SLC2A12: variants seen among roughly 807,000 people sequenced by gnomAD.
SLC2A12 encodes solute carrier family 2 member 12.
SLC2A12 carries 23 observed loss-of-function variants against 41.8 expected under a neutral mutation model. The observed-to-expected ratio is 0.55, with a 90% CI of 0.40 to 0.78. The LOEUF is 0.78. SLC2A12 is among the 30% of genes least tolerant of loss of function. The pLI is 0.00. For synonymous variants in SLC2A12, 295 were observed against 285.9 expected (o/e 1.03, Z -0.32); for missense variants, 654 against 745.6 (o/e 0.88, Z 1.43).
intron 2 of SLC2A12, among the ~76,000 whole-genome samples, chr6:134,017,370 G>C (rs1776975558): frequency 6.6e-6 from 1 of 152,136 alleles, no homozygotes; most frequent in Admixed American, 6.5e-5. Flanking sequence ...TCCCAGACTA[G>C]GGAGCTCCCC....
chr6:133,988,429 G>C lies in SLC2A12; in HGVS notation c.*2726C>G, dbSNP rs1177025738. On this transcript the variant is annotated 3_prime_UTR_variant, in exon 5 of 5. Coordinates refer to ENST00000275230, the MANE Select transcript of SLC2A12 (RefSeq NM_145176.3). Reference sequence around the variant, plus strand: ...TTAGCTTCTCAGGAGAAACTTAATGGGGACAATATTCCAACACAATGTTCC... The same window carrying C: ...TTAGCTTCTCAGGAGAAACTTAATGCGGACAATATTCCAACACAATGTTCC... 1 of 152,064 alleles carries C rather than the reference G, an allele frequency of 6.6e-6. No homozygotes were observed. Among genetic ancestry groups the C allele is most frequent in the Non-Finnish European group, 1.5e-5 (1 of 67,998 alleles). 9.4% of individuals were successfully genotyped at this position (152,064 alleles called of 1,614,324 possible). A position where few individuals can be genotyped will look rare whatever the true frequency, so the allele number is the denominator to read the frequency against.
chr6:134,022,548 GA>G (rs1016453180), intron 2 of SLC2A12, among the ~76,000 whole-genome samples: 2 of 39,166 alleles, frequency 5.1e-5, no homozygotes, highest in East Asian at 9.1e-4. Flanking sequence ...GAAAAGAAAA[GA>G]AAAGAAAAGA....
intron 1 of SLC2A12, among the ~76,000 whole-genome samples, chr6:134,049,198 T>C (rs1278114214): frequency 1.3e-5 from 2 of 152,224 alleles, no homozygotes; most frequent in African/African-American, 4.8e-5. Context: ...TCAGAGGGGA[T>C]AAAGGACAGT....
rs1562201761 is a variant in SLC2A12, at chr6:134,032,468, T to TA, written c.104-2748_104-2747insT. Among the ~76,000 whole-genome samples, 9 of 34,298 alleles carry TA rather than the reference T, an allele frequency of 2.6e-4. 1 individual carries two copies. Among genetic ancestry groups the TA allele is most frequent in the South Asian group, 1.2e-3 (1 of 826 alleles). The allele number at this position is 34,298 out of a possible 152,430, so 22.5% of individuals were successfully genotyped here. On this transcript the variant is annotated intron_variant, in intron 1 of 4. Transcript: ENST00000275230. Reference sequence around the variant, plus strand: ...TATATAAATATATATATATATATTTTTATATATATATATATATATTTGTTC... The same window carrying TA: ...TATATAAATATATATATATATATTTTATATATATATATATATATATTTGTTC...
At chr6:134,048,544 AG>A (rs1773613245) in intron 1 of SLC2A12, among the ~76,000 whole-genome samples, 1 of 152,162 alleles carries the variant, frequency 6.6e-6, no homozygotes, top group South Asian at 2.1e-4. Context: ...ACTCCAGCCT[AG>A]GTGACAGAGC....
rs1562671904 is a variant in SLC2A12, at chr6:133,989,924, G to A, written c.*1231C>T. 6.6e-6 allele frequency: 1 copy of A among 152,144 alleles called. No homozygotes were observed. Among genetic ancestry groups the A allele is most frequent in the African/African-American group, 2.4e-5 (1 of 41,436 alleles). The allele number at this position is 152,144 out of a possible 1,614,324, so 9.4% of individuals were successfully genotyped here. ...TTGTTCGTGCTTTTAAGTTTTTTGTGTGTCTTCCATCACTTAAATATTAGT... is the reference window on the plus strand; with the variant it reads ...TTGTTCGTGCTTTTAAGTTTTTTGTATGTCTTCCATCACTTAAATATTAGT... On this transcript the variant is annotated 3_prime_UTR_variant, in exon 5 of 5. Transcript: ENST00000275230.
chr6:134,008,241 T>A (rs766690048), intron 2 of SLC2A12, among the ~76,000 whole-genome samples: 14 of 152,162 alleles, frequency 9.2e-5, no homozygotes, highest in Non-Finnish European at 1.9e-4. Context: ...AACTTAAAAT[T>A]TGCCTCTCCT....
At position 133,991,105 on chromosome 6, in the gene SLC2A12, A is replaced by G. The variant is rs985241582; in HGVS notation, c.*50T>C. ...CGCAACTATGCATTGGTCCAAAGACACCCTCCTAAGTGTTCTGGCACTATC... is the reference window on the plus strand; with the variant it reads ...CGCAACTATGCATTGGTCCAAAGACGCCCTCCTAAGTGTTCTGGCACTATC... On this transcript the variant is annotated 3_prime_UTR_variant, in exon 5 of 5. Transcript: ENST00000275230. 5.1e-6 allele frequency: 8 copies of G among 1,564,146 alleles called. No individual in the cohort carries two copies. In the African/African-American group the frequency reaches 6.9e-5, roughly 13 times the overall value.
intron 2 of SLC2A12, among the ~76,000 whole-genome samples, chr6:134,009,667 T>TAAATAAATAAAATAAAATAAAATAAAATA (rs1776855184): frequency 6.7e-6 from 1 of 148,706 alleles, no homozygotes; most frequent in African/African-American, 2.5e-5. Flanking sequence ...CTTAAAATAA[T>TAAATAAATAAAATAAAATAAAATAAAATA]AAATAAAATA....
chr6:134,048,318 C>A (rs1223401343), intron 1 of SLC2A12, among the ~76,000 whole-genome samples: 1 of 152,180 alleles, frequency 6.6e-6, no homozygotes, highest in Non-Finnish European at 1.5e-5. Context: ...CATTTCCAGC[C>A]AGGCACTGTG....
intron 1 of SLC2A12, among the ~76,000 whole-genome samples, chr6:134,030,271 C>T (rs1224205577): frequency 6.6e-6 from 1 of 152,138 alleles, no homozygotes; most frequent in Admixed American, 6.5e-5. Context: ...TGCAAATGGC[C>T]TCTGCTGAAC....
At chr6:134,039,870 C>A (rs1161387395) in intron 1 of SLC2A12, among the ~76,000 whole-genome samples, 1 of 152,038 alleles carries the variant, frequency 6.6e-6, no homozygotes, top group Admixed American at 6.6e-5. Flanking sequence ...ACCCCACTCT[C>A]TCTCTCTCAC....
At chr6:134,026,862 G>A (rs76958288) in intron 2 of SLC2A12, among the ~76,000 whole-genome samples, 1,579 of 152,330 alleles carry the variant, frequency 0.01, 22 homozygotes, top group African/African-American at 0.034. Flanking sequence ...ACAGCAAAGA[G>A]CAGCGTCAAT....
In SLC2A12 at chr6:133,990,020, C is replaced by A. The variant is rs1383272681; in HGVS notation, c.*1135G>T. On this transcript the variant is annotated 3_prime_UTR_variant, in exon 5 of 5. Transcript: ENST00000275230. ...TCATACCCAAATTTTATTAGTAAGA[C>A]CTCTTAACAAGTCTTTAAAATCAAC... 3 of 152,400 alleles carry A rather than the reference C, an allele frequency of 2.0e-5. No homozygotes were observed. The highest frequency in any genetic ancestry group is 6.5e-5 in the Admixed American group (1 of 15,270). The allele number at this position is 152,400 out of a possible 1,614,324, so 9.4% of individuals were successfully genotyped here.
chr6:134,017,512 T>C (rs1361774228), intron 2 of SLC2A12, among the ~76,000 whole-genome samples: 1 of 152,344 alleles, frequency 6.6e-6, no homozygotes, highest in East Asian at 1.9e-4. Context: ...GCAGAGTTGA[T>C]GTTTGCACAG....
At chr6:133,993,164 C>T (rs1582593333) in intron 4 of SLC2A12, among the ~76,000 whole-genome samples, 1 of 152,108 alleles carries the variant, frequency 6.6e-6, no homozygotes, top group African/African-American at 2.4e-5. Context: ...GGCCTAGTCC[C>T]TTCTCTCTCT....
intron 2 of SLC2A12, among the ~76,000 whole-genome samples, chr6:134,025,289 A>T (rs1193058575): frequency 6.6e-6 from 1 of 152,218 alleles, no homozygotes; most frequent in Admixed American, 6.5e-5. Flanking sequence ...AAGATAAAAC[A>T]TGTTTTCATT....
rs373079685 is a variant in SLC2A12 at position 134,001,816 on chromosome 6, C to T, written c.1700+181G>A. Reference sequence around the variant, plus strand: ...AATGGTTATTCTTCCTTAGCTGAATCACCCAAATTAAAGACAAAGCAGGGA... The same window carrying T: ...AATGGTTATTCTTCCTTAGCTGAATTACCCAAATTAAAGACAAAGCAGGGA... On this transcript the variant is annotated intron_variant, in intron 4 of 4. Transcript: ENST00000275230. Among the ~76,000 whole-genome samples the T allele has an allele frequency of 1.0e-4, 15 of 150,116 alleles. No individual in the cohort carries two copies. In the East Asian group the frequency reaches 2.9e-3, roughly 29 times the overall value.
intron 1 of SLC2A12, among the ~76,000 whole-genome samples, chr6:134,049,830 G>A (rs779820872): frequency 1.3e-5 from 2 of 152,206 alleles, no homozygotes; most frequent in Non-Finnish European, 2.9e-5. Flanking sequence ...TTCAACTGCA[G>A]ACCTTAGGGG....
Sources: allele counts gnomAD v4.1 joint callset (sites outside exome capture counted in the v4.1 genomes callset), GRCh38; gene constraint gnomAD v4.1.1; transcripts MANE v1.5; gene names NCBI Gene and HGNC (gene_info 2026-07-23, HGNC 2026-07-21).